ATP12A: variants seen among roughly 807,000 people sequenced by gnomAD.
ATP12A encodes the protein potassium-transporting ATPase alpha chain 2.
In ATP12A, 81 loss-of-function variants were observed where a neutral mutation model predicts 111.2. The ratio of observed to expected loss-of-function variants is 0.73; its 90% CI spans 0.61 to 0.88. ATP12A has a LOEUF of 0.88. Among genes scored for constraint, ATP12A ranks in the 40% least tolerant of loss-of-function variants. ATP12A has a pLI of 0.00. For synonymous variants in ATP12A, 498 were observed against 499.8 expected (o/e 1.00, Z 0.05); for missense variants, 1,196 against 1,313.1 (o/e 0.91, Z 1.38).
chr13:24,711,291 G>A (rs1034956221), intron 21 of ATP12A, 27 bp from the exon 22 acceptor site: 8 of 1,571,396 alleles, frequency 5.1e-6, no homozygotes, highest in South Asian at 4.6e-5. Context: ...ATGAGTCAGG[G>A]TTCACTTTCC....
At chr13:24,682,155 G>GTT (rs1428375142) in intron 2 of ATP12A, among the ~76,000 whole-genome samples, 16 of 115,274 alleles carry the variant, frequency 1.4e-4, no homozygotes, top group African/African-American at 6.8e-4. Flanking sequence ...TGTGGTGTGT[G>GTT]TGTGGTGTGT....
At chr13:24,687,925 G>A (rs1398389475) in intron 3 of ATP12A, among the ~76,000 whole-genome samples, 1 of 152,176 alleles carries the variant, frequency 6.6e-6, no homozygotes, top group South Asian at 2.1e-4. Context: ...GCAGAGTGCA[G>A]TGGCTCTGGA....
chr13:24,690,964 C>T lies in ATP12A; in HGVS notation c.800-18C>T, dbSNP rs753292747. 1 of 1,612,916 alleles carries T rather than the reference C, an allele frequency of 6.2e-7. No homozygotes were observed. Among genetic ancestry groups the T allele is most frequent in the South Asian group, 1.1e-5 (1 of 91,038 alleles). ...CTGGCTGAGGACCCCTGGAATAAAGCATCTACTTCCCCTGTAGGCACTGTC... is the reference window on the plus strand; with the variant it reads ...CTGGCTGAGGACCCCTGGAATAAAGTATCTACTTCCCCTGTAGGCACTGTC... On this transcript the variant is annotated intron_variant, in intron 7 of 22. Transcript: ENST00000381946.
Position 24,700,938 on chromosome 13 carries a change from C to T in ATP12A, c.1881+16C>T. 6.2e-7 allele frequency: 1 copy of T among 1,611,022 alleles called. No individual in the cohort carries two copies. Among genetic ancestry groups the T allele is most frequent in the African/African-American group, 1.3e-5 (1 of 74,978 alleles). On this transcript the variant is annotated intron_variant, in intron 13 of 22. Coordinates refer to ENST00000381946, the MANE Select transcript of ATP12A (RefSeq NM_001676.7). ...AGGGATCAAGGTGGGAGTTATTTTCCTGACTCAAGAAGTTCTTTCTTTATG... is the reference window on the plus strand; with the variant it reads ...AGGGATCAAGGTGGGAGTTATTTTCTTGACTCAAGAAGTTCTTTCTTTATG...
At position 24,688,408 on chromosome 13, in the gene ATP12A, G is replaced by T. The variant is rs980110456; in HGVS notation, c.318G>T (p.Lys106Asn). 1.9e-6 allele frequency: 3 copies of T among 1,614,190 alleles called. No individual in the cohort carries two copies. The highest frequency in any genetic ancestry group is 2.5e-6 in the Non-Finnish European group (3 of 1,180,048). ...CCAAGCAGACGCCTGAGATCGTCAA[G>T]TTCCTCAAGCAGATGGTGGGGGGGT... ...TPPKQTPEIV[K>N]FLKQMVGGFS... The change falls in exon 4 of 23, where the codon AAG (lysine) becomes AAT (asparagine). Residue 106 changes from lysine (K) to asparagine (N), a missense_variant. Physicochemically the swap from Lys to Asn is moderately conservative, Grantham distance 94. Transcript: ENST00000381946.
At chr13:24,707,793 C>T (rs1296510425) in intron 17 of ATP12A, among the ~76,000 whole-genome samples, 1 of 152,176 alleles carries the variant, frequency 6.6e-6, no homozygotes, top group Non-Finnish European at 1.5e-5. Flanking sequence ...ATTCTTCCAC[C>T]TCAGCCTCCC....
intron 13 of ATP12A, among the ~76,000 whole-genome samples, chr13:24,701,733 C>T (rs576409033): frequency 2.0e-5 from 3 of 152,074 alleles, no homozygotes; most frequent in South Asian, 2.1e-4. Flanking sequence ...GAGGAGGAAG[C>T]GTATGAAGCT....
intron 12 of ATP12A, among the ~76,000 whole-genome samples, chr13:24,699,299 A>G (rs79894863): frequency 6.6e-6 from 1 of 152,148 alleles, no homozygotes; most frequent in Non-Finnish European, 1.5e-5. Context: ...GCCAGGTTTC[A>G]TCCTGCAGTC....
rs975170926 is a variant in ATP12A at position 24,690,246 on chromosome 13, G to C, written c.547-92G>C. The C allele has an allele frequency of 9.7e-6, 15 of 1,544,494 alleles. No individual in the cohort carries two copies. In the African/African-American group the frequency reaches 1.9e-4, roughly 20 times the overall value. The stretch of plus-strand genomic sequence containing the variant: ...GTGAGAGTGATCAGGAAGTTCCAAG[G>C]CCTCTGTCCTGGGGTTCGGTGCGGC... On this transcript the variant is annotated intron_variant, in intron 5 of 22. Transcript: ENST00000381946.
At chr13:24,681,291 C>A (rs954013939) in intron 1 of ATP12A, among the ~76,000 whole-genome samples, 1 of 152,154 alleles carries the variant, frequency 6.6e-6, no homozygotes, top group Non-Finnish European at 1.5e-5. Flanking sequence ...TAACTTCCCA[C>A]CTGCTCCACC....
At chr13:24,708,960 AG>A (rs1875827299) in intron 17 of ATP12A, among the ~76,000 whole-genome samples, 8 of 126,528 alleles carry the variant, frequency 6.3e-5, no homozygotes, top group East Asian at 2.4e-4. Context: ...AAAGAAAGAA[AG>A]AAGGAAAGAG....
rs146798228 is a variant in ATP12A at position 24,694,614 on chromosome 13, C to T, written c.1512+36C>T. 915 of 1,611,216 alleles carry T rather than the reference C, an allele frequency of 5.7e-4. 7 individuals are homozygous for T. In the African/African-American group the frequency reaches 8.8e-3, roughly 16 times the overall value. On this transcript the variant is annotated intron_variant, in intron 11 of 22. Transcript: ENST00000381946. ...CCTCACAACCGGTAATCTCTGTCAT[C>T]GGCAGCATGACCTTTCTACTTGCAT... is the stretch of plus-strand genomic sequence containing the variant.
chr13:24,709,484 A>T lies in ATP12A; in HGVS notation c.2614A>T (p.Ile872Phe), dbSNP rs769595687. Residue 872 changes from isoleucine to phenylalanine, a missense_variant, in exon 18 of 23, where the codon ATT (isoleucine) becomes TTT (phenylalanine). By Grantham distance (21) the Ile-to-Phe change is conservative. Transcript: ENST00000381946. ...QPLAVYSYLH[I>F]GLMQALGAFL... ...GCTCGCTGTGTACTCATACCTGCAC[A>T]TTGGTACGATGAGGGCGCGTCTTCC... 3 of 1,613,404 alleles carry T rather than the reference A, an allele frequency of 1.9e-6. No homozygotes were observed. In the South Asian group the frequency reaches 3.3e-5, roughly 18 times the overall value.
chr13:24,704,746 T>C (rs1875547508), intron 14 of ATP12A: 2 of 222,440 alleles, frequency 9.0e-6, no homozygotes, highest in South Asian at 6.0e-5. Flanking sequence ...AAATGACTTT[T>C]ATGATTCTTG....
In ATP12A at chr13:24,711,934, C is replaced by T. The variant is rs1412324363; in HGVS notation, c.*412C>T. 4.5e-6 allele frequency: 1 copy of T among 223,512 alleles called. No homozygotes were observed. Among genetic ancestry groups the T allele is most frequent in the African/African-American group, 2.3e-5 (1 of 43,316 alleles). 13.8% of individuals were successfully genotyped at this position (223,512 alleles called of 1,614,324 possible). ...AGGCCCCATGACCTCCCTAAGATTT[C>T]TGCAGATCCCCTGAGAAGGTATGTT... On this transcript the variant is annotated 3_prime_UTR_variant, in exon 23 of 23. Coordinates refer to ENST00000381946, the MANE Select transcript of ATP12A (RefSeq NM_001676.7).
Position 24,688,441 on chromosome 13 carries a change from C to T in ATP12A, c.351C>T (p.Ile117=). ...FLKQMVGGFS[I]LLWVGAFLCW... ...AGCAGATGGTGGGGGGGTTCTCTAT[C>T]CTCCTGTGGGTGGGCGCCTTTCTCT... Residue 117 remains isoleucine (I), a synonymous_variant, in exon 4 of 23, where the codon ATC becomes ATT. Coordinates refer to ENST00000381946, the MANE Select transcript of ATP12A (RefSeq NM_001676.7). 5.6e-6 allele frequency: 9 copies of T among 1,614,112 alleles called. No individual in the cohort carries two copies. The highest frequency in any genetic ancestry group is 7.6e-6 in the Non-Finnish European group (9 of 1,180,006).
chr13:24,688,175 C>T (rs775188342), intron 3 of ATP12A, 144 bp from the exon 4 acceptor site: 42 of 832,120 alleles, frequency 5.0e-5, no homozygotes, highest in Non-Finnish European at 7.1e-5. Flanking sequence ...AAGTGAGGCA[C>T]GGTCTGCTTT....
rs1232093451 is a variant in ATP12A, at chr13:24,701,963, T to C, written c.1910T>C (p.Ile637Thr). The C allele has an allele frequency of 3.7e-6, 6 of 1,614,212 alleles. No individual in the cohort carries two copies. Among genetic ancestry groups the C allele is most frequent in the Non-Finnish European group, 5.1e-6 (6 of 1,180,034 alleles). Residue 637 changes from isoleucine to threonine, a missense_variant, in exon 14 of 23, where the codon ATC (isoleucine) becomes ACC (threonine). This residue lies in a region of ATP12A where 1,126 missense variants were observed against 1,228.5 expected (regional missense o/e 0.92). Coordinates refer to ENST00000381946, the MANE Select transcript of ATP12A (RefSeq NM_001676.7). ...ATTATGGTTACTGGTGATCATCCCA[T>C]CACAGCCAAAGCTATTGCCAAGAGT... is the stretch of plus-strand genomic sequence containing the variant. Reference protein sequence around the residue: ...KVIMVTGDHPITAKAIAKSVG... With the variant: ...KVIMVTGDHPTTAKAIAKSVG...
rs777656059 is a variant in ATP12A, at chr13:24,691,219, A to T, written c.1037A>T (p.Asn346Ile). The change falls in exon 8 of 23, where the codon AAT becomes ATT. Residue 346 changes from asparagine to isoleucine, a missense_variant. Asn to Ile is a moderately radical substitution (Grantham distance 149). Coordinates refer to ENST00000381946, the MANE Select transcript of ATP12A (RefSeq NM_001676.7). ...TTCCTCATTGGCATCATTGTGGCCAATGTGCCCGAGGGCCTCCTGGCCACT... is the reference window on the plus strand; with the variant it reads ...TTCCTCATTGGCATCATTGTGGCCATTGTGCCCGAGGGCCTCCTGGCCACT... Reference protein sequence around the residue: ...IIFLIGIIVANVPEGLLATVT... With the variant: ...IIFLIGIIVAIVPEGLLATVT... The T allele has an allele frequency of 6.2e-7, 1 of 1,613,866 alleles. No homozygotes were observed. Among genetic ancestry groups the T allele is most frequent in the South Asian group, 1.1e-5 (1 of 91,070 alleles).
Sources: gnomAD v4.1 joint callset for allele counts (sites outside exome capture counted in the v4.1 genomes callset) on GRCh38, gnomAD v4.1.1 for gene constraint, gnomAD v4.1.1 regional missense constraint, MANE v1.5 for transcripts, NCBI Gene and HGNC (gene_info 2026-07-23, HGNC 2026-07-21) for gene names.